The following NID1 variants were observed in gnomAD, a reference collection of about 807,000 sequenced individuals.
NID1 encodes the protein nidogen-1.
In NID1, 76 loss-of-function variants were observed where a neutral mutation model predicts 130.6. The observed-to-expected ratio is 0.58, with a 90% CI of 0.48 to 0.70. The LOEUF (loss-of-function observed/expected upper bound fraction) is 0.70. Ranked by LOEUF, NID1 falls within the 30% of genes least tolerant of loss-of-function variation. NID1 has a pLI of 0.00. For missense variants in NID1, 1,517 were observed against 1,664.8 expected, an observed-to-expected ratio of 0.91 and a Z score of 1.54; for synonymous variants, 665 against 675.1, an observed-to-expected ratio of 0.98 and a Z score of 0.23.
chr1:236,017,348 C>G (rs1658629779), intron 9 of NID1, 75 bp from the exon 10 acceptor site: 1 of 1,484,808 alleles, frequency 6.7e-7, no homozygotes, highest in Non-Finnish European at 9.3e-7. Flanking sequence ...AATAAAATAG[C>G]ATTGTCACCT....
chr1:236,043,061 G>A (rs976332221), intron 3 of NID1, among the ~76,000 whole-genome samples: 6 of 152,262 alleles, frequency 3.9e-5, no homozygotes, highest in Middle Eastern at 3.4e-3. Context: ...ATCAAGGTGC[G>A]GGAAGGCTGG....
chr1:236,029,833 G>T, intron 6 of NID1, 83 bp from the exon 7 acceptor site: 2 of 1,378,340 alleles, frequency 1.5e-6, no homozygotes, highest in Non-Finnish European at 2.0e-6. Flanking sequence ...GTGGAGTGGG[G>T]TTGGTGCGAA....
rs1176505541 is a variant in NID1 at position 236,001,947 on chromosome 1, T to C, written c.2528-8075A>G. Among the ~76,000 whole-genome samples the C allele has an allele frequency of 2.0e-5, 3 of 152,230 alleles. No individual in the cohort carries two copies. In the East Asian group the frequency reaches 5.8e-4, roughly 29 times the overall value. On this transcript the variant is annotated intron_variant, in intron 12 of 19. Coordinates refer to ENST00000264187, the MANE Select transcript of NID1 (RefSeq NM_002508.3). Reference sequence around the variant, plus strand: ...GCTTTTAAAATCACTGTAGTCATCATACGCTTCAGGTCAAGAGCCCCATGG... The same window carrying C: ...GCTTTTAAAATCACTGTAGTCATCACACGCTTCAGGTCAAGAGCCCCATGG...
Position 235,990,915 on chromosome 1 carries a change from T to C in NID1, c.2899A>G (p.Thr967Ala). 1 of 1,614,148 alleles carries C rather than the reference T, an allele frequency of 6.2e-7. No individual in the cohort carries two copies. The highest frequency in any genetic ancestry group is 8.5e-7 in the Non-Finnish European group (1 of 1,180,028). The change falls in exon 14 of 20, where the codon ACA becomes GCA. Residue 967 changes from threonine (T) to alanine (A), a missense_variant. Coordinates refer to ENST00000264187, the MANE Select transcript of NID1 (RefSeq NM_002508.3). ...LPLEGNTMRK[T>A]EAKAFLHVPA... is the part of the protein sequence containing the mutation. ...ACATGAAGGAACGCCTTTGCTTCTGTCTTCCTCATGGTATTTCCCTCCAGG... is the reference window on the plus strand; with the variant it reads ...ACATGAAGGAACGCCTTTGCTTCTGCCTTCCTCATGGTATTTCCCTCCAGG...
chr1:236,029,858 C>T (rs1659047387), intron 6 of NID1, 108 bp from the exon 7 acceptor site: 2 of 1,009,878 alleles, frequency 2.0e-6, no homozygotes, highest in Non-Finnish European at 3.0e-6. Context: ...TCTGCAGGTG[C>T]TTTGGTTTGG....
chr1:236,052,134 A>C (rs995737269), intron 1 of NID1, among the ~76,000 whole-genome samples: 3 of 152,230 alleles, frequency 2.0e-5, no homozygotes, highest in Non-Finnish European at 2.9e-5. Flanking sequence ...TTAGCTTTAA[A>C]CTTCTCCCTT....
At chr1:236,054,062 A>C (rs1470028602) in intron 1 of NID1, among the ~76,000 whole-genome samples, 1 of 152,236 alleles carries the variant, frequency 6.6e-6, no homozygotes, top group Admixed American at 6.5e-5. Context: ...AAAATCCAGA[A>C]TATAAAGCAC....
intron 1 of NID1, among the ~76,000 whole-genome samples, chr1:236,051,946 C>T (rs1659771603): frequency 6.6e-6 from 1 of 152,216 alleles, no homozygotes; most frequent in Admixed American, 6.5e-5. Context: ...GGACAAATGT[C>T]ATGCAGCACT....
At chr1:236,017,389 CTT>C (rs371005354) in intron 9 of NID1, 116 bp from the exon 10 acceptor site, 204 of 969,838 alleles carry the variant, frequency 2.1e-4, no homozygotes, top group Middle Eastern at 3.7e-4. Flanking sequence ...ACAAAATTTT[CTT>C]TTTTTTTTTC....
chr1:236,032,364 G>C, intron 6 of NID1, 37 bp downstream of exon 6: 1 of 1,605,708 alleles, frequency 6.2e-7, no homozygotes, highest in South Asian at 1.1e-5. Flanking sequence ...AGGCACTACT[G>C]TGTGACCCAC....
chr1:236,017,367 A>G (rs552983367), intron 9 of NID1, 94 bp from the exon 10 acceptor site: 2 of 1,380,614 alleles, frequency 1.4e-6, no homozygotes, highest in East Asian at 2.4e-5. Context: ...CTAAGAATAG[A>G]TCAATTTTAA....
intron 7 of NID1, among the ~76,000 whole-genome samples, chr1:236,026,476 GC>G (rs565594045): frequency 2.8e-4 from 42 of 152,118 alleles, no homozygotes; most frequent in Non-Finnish European, 4.9e-4. Flanking sequence ...GGAAAGAGAC[GC>G]CCCTGAATTC....
chr1:235,995,396 C>T (rs191930994), intron 12 of NID1, among the ~76,000 whole-genome samples: 3 of 152,174 alleles, frequency 2.0e-5, no homozygotes, highest in African/African-American at 4.8e-5. Flanking sequence ...CCCGTGGATA[C>T]TGAGGGACAG....
At chr1:236,034,701 T>C (rs1659202006) in intron 5 of NID1, among the ~76,000 whole-genome samples, 1 of 152,176 alleles carries the variant, frequency 6.6e-6, no homozygotes, top group Non-Finnish European at 1.5e-5. Context: ...GATGAAAATG[T>C]TCTAGAATTA....
chr1:236,033,177 G>T (rs1168396314), intron 5 of NID1, among the ~76,000 whole-genome samples: 1 of 152,224 alleles, frequency 6.6e-6, no homozygotes, highest in Non-Finnish European at 1.5e-5. Flanking sequence ...GCATGATGGC[G>T]GGTGCCTGTA....
intron 12 of NID1, among the ~76,000 whole-genome samples, chr1:235,994,352 G>C (rs928694988): frequency 4.6e-5 from 7 of 152,158 alleles, no homozygotes; most frequent in Non-Finnish European, 1.0e-4. Flanking sequence ...AGTAGAGACA[G>C]GGTTTCACCA....
At chr1:236,015,010 A>G (rs1658547493) in intron 10 of NID1, among the ~76,000 whole-genome samples, 1 of 152,256 alleles carries the variant, frequency 6.6e-6, no homozygotes, top group Admixed American at 6.5e-5. Context: ...CCCTTCCCCG[A>G]TAATGGATAC....
chr1:236,057,030 A>T (rs568395587), intron 1 of NID1, among the ~76,000 whole-genome samples: 70 of 152,076 alleles, frequency 4.6e-4, no homozygotes, highest in Non-Finnish European at 8.7e-4. Context: ...AGGCCAAGGC[A>T]GGTGGATCAC....
At chr1:236,006,463 A>T (rs1572591524) in intron 12 of NID1, among the ~76,000 whole-genome samples, 1 of 152,316 alleles carries the variant, frequency 6.6e-6, no homozygotes, top group African/African-American at 2.4e-5. Flanking sequence ...TAGAGGACAA[A>T]GGAGTGTGTA....
Sources: allele counts gnomAD v4.1 joint callset (sites outside exome capture counted in the v4.1 genomes callset), GRCh38; gene constraint gnomAD v4.1.1; transcripts MANE v1.5; gene names NCBI Gene and HGNC (gene_info 2026-07-23, HGNC 2026-07-21).